GLIS3: variants seen among roughly 807,000 people sequenced by gnomAD.
The protein encoded by GLIS3 is GLIS family zinc finger 3.
GLIS3 carries 53 observed loss-of-function variants against 78.6 expected under a neutral mutation model. The ratio of observed to expected loss-of-function variants is 0.67; its 90% confidence interval spans 0.54 to 0.85. The LOEUF is 0.85. GLIS3 is among the 40% of genes least tolerant of loss of function. GLIS3 has a pLI of 0.00. For missense variants in GLIS3, 1,703 were observed against 1,231.1 expected (o/e 1.38, Z -5.74); for synonymous variants, 684 against 509.9 (o/e 1.34, Z -4.60).
At chr9:4,013,266 G>A (rs928063474) in intron 4 of GLIS3, among the ~76,000 whole-genome samples, 6 of 152,264 alleles carry the variant, frequency 3.9e-5, no homozygotes, top group East Asian at 1.9e-4. Flanking sequence ...AAAGACTTAC[G>A]TGACAGACTT....
chr9:4,390,000 C>T, the GLIS3 span, among the ~76,000 whole-genome samples: 1 of 152,196 alleles, frequency 6.6e-6, no homozygotes, highest in South Asian at 2.1e-4. Context: ...TTCTTTCTTT[C>T]ATTCCATCAA....
intron 2 of GLIS3, among the ~76,000 whole-genome samples, chr9:4,179,522 G>T (rs1405355077): frequency 6.6e-6 from 1 of 152,054 alleles, no homozygotes; most frequent in East Asian, 1.9e-4. Context: ...ACATTATTTG[G>T]AAACACTATT....
chr9:4,425,814 C>A, the GLIS3 span, among the ~76,000 whole-genome samples: 1 of 152,218 alleles, frequency 6.6e-6, no homozygotes, highest in Non-Finnish European at 1.5e-5. Flanking sequence ...TCCACTGATG[C>A]ACAGCGGTGG....
intron 2 of GLIS3, among the ~76,000 whole-genome samples, chr9:4,320,128 T>A (rs779425483): frequency 3.0e-4 from 46 of 152,290 alleles, no homozygotes; most frequent in Middle Eastern, 3.4e-3. Flanking sequence ...GACTTCCCAA[T>A]GGGCGTATCT....
At chr9:3,924,114 G>C (rs1039950552) in intron 6 of GLIS3, among the ~76,000 whole-genome samples, 4 of 152,176 alleles carry the variant, frequency 2.6e-5, no homozygotes, top group African/African-American at 7.2e-5. Flanking sequence ...CTCTAGCTTC[G>C]ATTCCAGCTT....
the GLIS3 span, among the ~76,000 whole-genome samples, chr9:4,373,903 T>TG: frequency 1.3e-5 from 2 of 152,238 alleles, no homozygotes; most frequent in African/African-American, 4.8e-5. Flanking sequence ...CCTGACCTCG[T>TG]GATCTGCCTG....
intron 2 of GLIS3, among the ~76,000 whole-genome samples, chr9:4,167,816 A>G (rs1816004998): frequency 6.6e-6 from 1 of 152,202 alleles, no homozygotes; most frequent in South Asian, 2.1e-4. Context: ...ACTGGTTTAC[A>G]CGGCACCTAT....
intron 4 of GLIS3, among the ~76,000 whole-genome samples, chr9:4,000,014 G>A (rs573524822): frequency 1.1e-4 from 16 of 152,202 alleles, no homozygotes; most frequent in Admixed American, 2.6e-4. Flanking sequence ...TATGCTTCCA[G>A]TAAACAAGTA....
intron 2 of GLIS3, among the ~76,000 whole-genome samples, chr9:4,343,427 AG>A (rs1817861724): frequency 6.6e-6 from 1 of 152,200 alleles, no homozygotes; most frequent in Non-Finnish European, 1.5e-5. Context: ...ATGCTGCGAG[AG>A]TTGTGGAGAA....
chr9:4,347,913 C>T (rs1817915686), intron 1 of GLIS3, among the ~76,000 whole-genome samples: 2 of 152,092 alleles, frequency 1.3e-5, no homozygotes, highest in Non-Finnish European at 2.9e-5. Flanking sequence ...GGAGTTTTAG[C>T]CACACATTTA....
rs368658826 is a variant in GLIS3 at position 4,245,446 on chromosome 9, A to G, written c.388+40592T>C. Among the ~76,000 whole-genome samples, 89 of 152,378 alleles carry G rather than the reference A, an allele frequency of 5.8e-4. No individual in the cohort carries two copies. In the East Asian group the frequency reaches 0.011, roughly 18 times the overall value. The stretch of plus-strand genomic sequence containing the variant: ...TTCTACATGTTATAAAACAGGAACC[A>G]TAACACTAGACCTACTTACTTCATG... On this transcript the variant is annotated intron_variant, in intron 2 of 10. Transcript: ENST00000381971.
the GLIS3 span, among the ~76,000 whole-genome samples, chr9:4,487,016 A>C: frequency 6.6e-6 from 1 of 152,252 alleles, no homozygotes; most frequent in South Asian, 2.1e-4. Context: ...GACACTTTGG[A>C]AATGCAAAAA....
the GLIS3 span, among the ~76,000 whole-genome samples, chr9:4,453,604 T>C: frequency 6.6e-6 from 1 of 152,030 alleles, no homozygotes; most frequent in Non-Finnish European, 1.5e-5. Flanking sequence ...AACCCAAATA[T>C]CCATCAATGA....
intron 4 of GLIS3, among the ~76,000 whole-genome samples, chr9:4,029,190 G>A (rs1398966955): frequency 6.6e-6 from 1 of 151,956 alleles, no homozygotes; most frequent in East Asian, 1.9e-4. Context: ...GAAACCCTTG[G>A]AATCCTTAGA....
chr9:3,850,878 C>T (rs1158283366), intron 9 of GLIS3, among the ~76,000 whole-genome samples: 5 of 152,230 alleles, frequency 3.3e-5, no homozygotes, highest in African/African-American at 1.2e-4. Flanking sequence ...ACTCACTTGG[C>T]CTGCCCAATA....
chr9:4,439,964 T>A, the GLIS3 span, among the ~76,000 whole-genome samples: 1 of 152,356 alleles, frequency 6.6e-6, no homozygotes, highest in Admixed American at 6.5e-5. Flanking sequence ...ATTACAGGCA[T>A]GAGCCACCGT....
chr9:3,988,210 AT>A (rs1052661117), intron 4 of GLIS3, among the ~76,000 whole-genome samples: 2 of 152,166 alleles, frequency 1.3e-5, no homozygotes, highest in Non-Finnish European at 2.9e-5. Context: ...AAATAAAAAA[AT>A]AAAAAAACAT....
At position 3,852,604 on chromosome 9, in the gene GLIS3, G is replaced by T. The variant is rs114734247; in HGVS notation, c.2473+3405C>A. 1.7e-3 allele frequency among the ~76,000 whole-genome samples: 253 copies of T among 152,292 alleles called. 3 individuals carry two copies. The highest frequency in any genetic ancestry group is 5.9e-3 in the African/African-American group (247 of 41,562). ...ACTTGAAAAATAGTAGATAAATTTT[G>T]TCCTTACCCTGAAGAGTAGTAGATA... is the stretch of plus-strand genomic sequence containing the variant. On this transcript the variant is annotated intron_variant, in intron 9 of 10. Coordinates refer to ENST00000381971, the MANE Select transcript of GLIS3 (RefSeq NM_001042413.2).
the GLIS3 span, among the ~76,000 whole-genome samples, chr9:4,419,267 C>T: frequency 3.9e-5 from 6 of 152,168 alleles, no homozygotes; most frequent in Non-Finnish European, 5.9e-5. Flanking sequence ...ACAAAAAGCA[C>T]GAGCCACAGT....
Sources: allele counts gnomAD v4.1 joint callset (sites outside exome capture counted in the v4.1 genomes callset), GRCh38; gene constraint gnomAD v4.1.1; transcripts MANE v1.5; gene names NCBI Gene and HGNC (gene_info 2026-07-23, HGNC 2026-07-21).